CNTN5: variants seen among roughly 807,000 people sequenced by gnomAD.
The protein encoded by CNTN5 is contactin-5.
Under a neutral mutation model 129.1 loss-of-function variants are expected in CNTN5, and 77 were observed. That is an observed-to-expected ratio of 0.60 (90% CI 0.50 to 0.72). CNTN5 has a LOEUF of 0.72. Among genes scored for constraint, CNTN5 ranks in the 30% least tolerant of loss-of-function variants. The pLI, the probability that CNTN5 is intolerant of heterozygous loss-of-function variation, is 0.00. For missense variants in CNTN5, 1,478 were observed against 1,328.8 expected, an observed-to-expected ratio of 1.11 and a Z score of -1.75; for synonymous variants, 509 against 465.6, an observed-to-expected ratio of 1.09 and a Z score of -1.20.
intron 1 of CNTN5, among the ~76,000 whole-genome samples, chr11:99,302,038 G>T (rs1864666925): frequency 6.6e-6 from 1 of 151,466 alleles, no homozygotes; most frequent in African/African-American, 2.4e-5. Context: ...TGAGGGAAAA[G>T]AAAAACACAA....
intron 1 of CNTN5, among the ~76,000 whole-genome samples, chr11:99,053,308 G>A (rs903844847): frequency 6.6e-6 from 1 of 151,832 alleles, no homozygotes; most frequent in African/African-American, 2.4e-5. Context: ...AAGTTCAATC[G>A]ACTTTCATAG....
At chr11:99,031,528 G>T (rs987525336) in intron 1 of CNTN5, among the ~76,000 whole-genome samples, 1 of 151,786 alleles carries the variant, frequency 6.6e-6, no homozygotes, top group Admixed American at 6.6e-5. Flanking sequence ...AGGAAAAAAA[G>T]GTGAAGAAAG....
At chr11:99,265,337 A>T (rs1041711002) in intron 1 of CNTN5, among the ~76,000 whole-genome samples, 1 of 152,028 alleles carries the variant, frequency 6.6e-6, no homozygotes, top group Non-Finnish European at 1.5e-5. Context: ...AAGAGTATAG[A>T]TTTATCATTG....
At chr11:99,460,623 C>T (rs1326447273) in intron 2 of CNTN5, among the ~76,000 whole-genome samples, 1 of 151,830 alleles carries the variant, frequency 6.6e-6, no homozygotes, top group Non-Finnish European at 1.5e-5. Context: ...ATCCTCTGGC[C>T]AACACGTATT....
In CNTN5 at chr11:99,819,565, G is replaced by A. The variant is rs767487705; in HGVS notation, c.77G>A (p.Gly26Asp). 3 of 1,612,132 alleles carry A rather than the reference G, an allele frequency of 1.9e-6. No individual in the cohort carries two copies. Among genetic ancestry groups the A allele is most frequent in the African/African-American group, 1.3e-5 (1 of 74,930 alleles). The change falls in exon 4 of 25, where the codon GGT (glycine) becomes GAT (aspartate). Residue 26 changes from glycine to aspartate, a missense_variant. Physicochemically the swap from Gly to Asp is moderately conservative, Grantham distance 94. Transcript: ENST00000524871. ...CLSEYSKSLP[G>D]LSTSYAALLR... ...ACAGAGTATTCAAAATCTCTTCCTG[G>A]TCTCTCCACTTCATATGCTGCTTTG...
intron 1 of CNTN5, among the ~76,000 whole-genome samples, chr11:99,138,528 G>T (rs1272558019): frequency 6.6e-6 from 1 of 152,082 alleles, no homozygotes; most frequent in Non-Finnish European, 1.5e-5. Context: ...AAACAATGTT[G>T]CGATGCATTA....
chr11:99,079,720 C>T (rs886377772), intron 1 of CNTN5, among the ~76,000 whole-genome samples: 6 of 152,170 alleles, frequency 3.9e-5, no homozygotes, highest in Non-Finnish European at 8.8e-5. Flanking sequence ...GAAGGTGTCA[C>T]ACTGTTTCAC....
intron 16 of CNTN5, among the ~76,000 whole-genome samples, chr11:100,232,967 G>T (rs137990171): frequency 6.6e-6 from 1 of 151,984 alleles, no homozygotes; most frequent in African/African-American, 2.4e-5. Flanking sequence ...TATGAAAAAC[G>T]TACTATTTTT....
At chr11:99,505,140 C>T (rs1284051185) in intron 2 of CNTN5, among the ~76,000 whole-genome samples, 1 of 152,024 alleles carries the variant, frequency 6.6e-6, no homozygotes, top group Non-Finnish European at 1.5e-5. Context: ...CCCATTTCGC[C>T]CAAGTTATAC....
At chr11:99,436,351 A>G (rs993982856) in intron 2 of CNTN5, among the ~76,000 whole-genome samples, 3 of 152,208 alleles carry the variant, frequency 2.0e-5, no homozygotes, top group East Asian at 3.9e-4. Context: ...AGATTAAATC[A>G]TTTATGCTCA....
At chr11:99,169,163 C>T (rs996210162) in intron 1 of CNTN5, among the ~76,000 whole-genome samples, 1 of 152,170 alleles carries the variant, frequency 6.6e-6, no homozygotes, top group Non-Finnish European at 1.5e-5. Context: ...AACACAGATA[C>T]ATGTACTTTG....
At chr11:99,112,335 G>T (rs749375938) in intron 1 of CNTN5, among the ~76,000 whole-genome samples, 6 of 151,882 alleles carry the variant, frequency 4.0e-5, no homozygotes, top group African/African-American at 7.2e-5. Flanking sequence ...TCTCAAGAAG[G>T]TTATGTCATA....
intron 3 of CNTN5, among the ~76,000 whole-genome samples, chr11:99,697,648 A>G (rs962731465): frequency 6.6e-6 from 1 of 151,700 alleles, no homozygotes; most frequent in African/African-American, 2.4e-5. Context: ...AGAGAAAATT[A>G]GGGAAATCTG....
chr11:99,517,620 T>C (rs1265953265), intron 2 of CNTN5, among the ~76,000 whole-genome samples: 1 of 152,092 alleles, frequency 6.6e-6, no homozygotes, highest in Non-Finnish European at 1.5e-5. Flanking sequence ...CTCACCTGCC[T>C]TTCTTTGACT....
intron 20 of CNTN5, among the ~76,000 whole-genome samples, chr11:100,305,555 C>A (rs1951328890): frequency 6.6e-6 from 1 of 151,682 alleles, no homozygotes; most frequent in African/African-American, 2.4e-5. Flanking sequence ...ACTGCCCCTG[C>A]ATTTGTGACT....
rs548525616 is a variant in CNTN5 at position 99,081,986 on chromosome 11, A to G, written c.-210+60716A>G. 5.4e-5 allele frequency among the ~76,000 whole-genome samples: 8 copies of G among 148,342 alleles called. No individual in the cohort carries two copies. The South Asian group carries it at 1.8e-3, about 33-fold the overall frequency. ...CAAAATTTTAAAAATCTATGTAATG[A>G]ACTAACTACAACATAAAAGAGAAAC... On this transcript the variant is annotated intron_variant, in intron 1 of 24. Coordinates refer to ENST00000524871, the MANE Select transcript of CNTN5 (RefSeq NM_014361.4).
intron 3 of CNTN5, among the ~76,000 whole-genome samples, chr11:99,672,860 G>A (rs1953107516): frequency 6.6e-6 from 1 of 151,962 alleles, no homozygotes; most frequent in Non-Finnish European, 1.5e-5. Flanking sequence ...AAGGGCAGGT[G>A]GAAAGGAAAG....
At chr11:99,291,461 C>T (rs1864167876) in intron 1 of CNTN5, among the ~76,000 whole-genome samples, 1 of 151,760 alleles carries the variant, frequency 6.6e-6, no homozygotes, top group Non-Finnish European at 1.5e-5. Flanking sequence ...TTCTAACTAC[C>T]TTTGGCCCAG....
At chr11:99,184,998 C>T (rs1235201539) in intron 1 of CNTN5, among the ~76,000 whole-genome samples, 1 of 150,822 alleles carries the variant, frequency 6.6e-6, no homozygotes, top group African/African-American at 2.4e-5. Context: ...TGAAGTTAGA[C>T]ATAAATTAGA....
Sources: allele counts gnomAD v4.1 joint callset (sites outside exome capture counted in the v4.1 genomes callset), GRCh38; gene constraint gnomAD v4.1.1; transcripts MANE v1.5; gene names NCBI Gene and HGNC (gene_info 2026-07-23, HGNC 2026-07-21).